Variants in CTNNA3 observed in about 807,000 individuals in gnomAD.
CTNNA3 encodes catenin alpha 3.
In CTNNA3, 76 loss-of-function variants were observed where a neutral mutation model predicts 95.7. The ratio of observed to expected loss-of-function variants is 0.79; its 90% CI spans 0.66 to 0.96. CTNNA3 has a LOEUF of 0.96. Ranked by LOEUF, CTNNA3 falls within the 40% of genes least tolerant of loss-of-function variation. The pLI is 0.00. For missense variants in CTNNA3, 1,191 were observed against 1,089.8 expected, an observed-to-expected ratio of 1.09 and a Z score of -1.31; for synonymous variants, 431 against 374.4, an observed-to-expected ratio of 1.15 and a Z score of -1.74.
At chr10:67,103,631 G>T (rs745841623) in intron 7 of CTNNA3, among the ~76,000 whole-genome samples, 6 of 151,656 alleles carry the variant, frequency 4.0e-5, no homozygotes, top group Non-Finnish European at 8.9e-5. Context: ...CAGTGGGGTT[G>T]AAGATTCAAA....
intron 15 of CTNNA3, among the ~76,000 whole-genome samples, chr10:66,042,555 C>T (rs932347046): frequency 1.3e-5 from 2 of 151,682 alleles, no homozygotes; most frequent in African/African-American, 4.8e-5. Flanking sequence ...TAAAGAGGGT[C>T]ATATCTAAAA....
At chr10:67,754,156 C>T (rs1841421502) in intron 1 of CTNNA3, among the ~76,000 whole-genome samples, 1 of 152,044 alleles carries the variant, frequency 6.6e-6, no homozygotes, top group Non-Finnish European at 1.5e-5. Context: ...AAGATCGTGA[C>T]CTTTGCAGGG....
intron 11 of CTNNA3, among the ~76,000 whole-genome samples, chr10:66,461,807 A>G (rs12413847): frequency 0.41 from 60,361 of 147,718 alleles, 13,438 homozygotes; most frequent in East Asian, 0.6. Flanking sequence ...ATCCTTGTAT[A>G]TCTCCAATTT....
chr10:67,547,026 C>A (rs1197986449), intron 3 of CTNNA3, among the ~76,000 whole-genome samples: 1 of 152,144 alleles, frequency 6.6e-6, no homozygotes, highest in Non-Finnish European at 1.5e-5. Context: ...ATCAACTATT[C>A]AGCACTAAAA....
intron 3 of CTNNA3, among the ~76,000 whole-genome samples, chr10:67,557,162 G>A (rs905277963): frequency 2.0e-5 from 3 of 152,050 alleles, no homozygotes; most frequent in African/African-American, 7.2e-5. Context: ...GGCTAACCTT[G>A]ACTATAAATT....
rs150383268 is a variant in CTNNA3, at chr10:66,907,748, A to C, written c.1048-132224T>G. On this transcript the variant is annotated intron_variant, in intron 7 of 17. Coordinates refer to ENST00000433211, the MANE Select transcript of CTNNA3 (RefSeq NM_013266.4). ...TATCTACCCCAACAGATATCAAAAC[A>C]TATGTGCCACTACCACTGGAAGATT... is the stretch of plus-strand genomic sequence containing the variant. Among the ~76,000 whole-genome samples the C allele has an allele frequency of 3.6e-3, 541 of 152,338 alleles. 2 individuals are homozygous for C. Among genetic ancestry groups the C allele is most frequent in the African/African-American group, 0.012 (513 of 41,582 alleles).
chr10:66,515,345 C>CTCTCTATATATG (rs558913767), intron 11 of CTNNA3, among the ~76,000 whole-genome samples: 1 of 148,894 alleles, frequency 6.7e-6, no homozygotes, highest in African/African-American at 2.5e-5. Flanking sequence ...CTCTCTCTCT[C>CTCTCTATATATG]TATATATATA....
chr10:66,520,483 C>T (rs1841021071), intron 11 of CTNNA3, 134 bp downstream of exon 11: 1 of 674,586 alleles, frequency 1.5e-6, no homozygotes, highest in African/African-American at 1.9e-5. Context: ...AATCCCTGAC[C>T]TCAAGTAATC....
At chr10:67,688,992 C>A (rs1245384832) in intron 1 of CTNNA3, among the ~76,000 whole-genome samples, 1 of 152,114 alleles carries the variant, frequency 6.6e-6, no homozygotes, top group African/African-American at 2.4e-5. Context: ...TCTCAAAAAC[C>A]TGCATTCTTG....
At chr10:66,800,280 T>C (rs766950008) in intron 7 of CTNNA3, among the ~76,000 whole-genome samples, 12 of 151,360 alleles carry the variant, frequency 7.9e-5, no homozygotes, top group African/African-American at 2.2e-4. Flanking sequence ...GTTCAATTAC[T>C]CAAAAGAACT....
chr10:67,196,227 T>G (rs2132191775), intron 6 of CTNNA3, among the ~76,000 whole-genome samples: 1 of 152,158 alleles, frequency 6.6e-6, no homozygotes, highest in South Asian at 2.1e-4. Context: ...GAATAGAAGC[T>G]TTAGATATAA....
At chr10:67,728,077 TATATTATATAATATGTA>T (rs1841252966) in intron 1 of CTNNA3, among the ~76,000 whole-genome samples, 1 of 140,904 alleles carries the variant, frequency 7.1e-6, no homozygotes, top group African/African-American at 2.7e-5. Flanking sequence ...TTACATATTA[TATATTATATAATATGTA>T]ATATACATAC....
chr10:66,742,931 T>C (rs1849376264), intron 9 of CTNNA3, among the ~76,000 whole-genome samples: 1 of 152,202 alleles, frequency 6.6e-6, no homozygotes, highest in South Asian at 2.1e-4. Flanking sequence ...TTTTACATCA[T>C]TTCCTCTGCC....
intron 10 of CTNNA3, among the ~76,000 whole-genome samples, chr10:66,524,815 T>G (rs1185612722): frequency 2.0e-5 from 3 of 152,036 alleles, no homozygotes; most frequent in Non-Finnish European, 2.9e-5. Flanking sequence ...TTTGGGAGGC[T>G]AAGGCAGGCG....
intron 7 of CTNNA3, among the ~76,000 whole-genome samples, chr10:66,967,591 A>G (rs1180002536): frequency 6.6e-6 from 1 of 152,020 alleles, no homozygotes; most frequent in Non-Finnish European, 1.5e-5. Flanking sequence ...CAACCATATG[A>G]GGCGGGACTA....
At chr10:67,548,896 A>C (rs1394885562) in intron 3 of CTNNA3, among the ~76,000 whole-genome samples, 3 of 152,092 alleles carry the variant, frequency 2.0e-5, no homozygotes, top group Admixed American at 6.6e-5. Context: ...TTAAAAAAAA[A>C]CTTACTACTT....
intron 7 of CTNNA3, among the ~76,000 whole-genome samples, chr10:67,111,031 T>TA (rs779000341): frequency 5.9e-5 from 9 of 152,146 alleles, no homozygotes; most frequent in Non-Finnish European, 1.3e-4. Flanking sequence ...GAAGAACAGT[T>TA]AGAGTTGCAG....
intron 14 of CTNNA3, among the ~76,000 whole-genome samples, chr10:66,090,391 A>AGTG (rs970662968): frequency 2.0e-5 from 3 of 151,964 alleles, no homozygotes; most frequent in African/African-American, 7.2e-5. Flanking sequence ...CAACCGTGAT[A>AGTG]GTGGTGGTGG....
chr10:67,138,810 T>C (rs546467042), intron 7 of CTNNA3, among the ~76,000 whole-genome samples: 36 of 152,326 alleles, frequency 2.4e-4, no homozygotes, highest in South Asian at 2.1e-4. Flanking sequence ...CCAGCATCCA[T>C]GCATTTTCCT....
Sources: allele counts gnomAD v4.1 joint callset (sites outside exome capture counted in the v4.1 genomes callset), GRCh38; gene constraint gnomAD v4.1.1; transcripts MANE v1.5; gene names NCBI Gene and HGNC (gene_info 2026-07-23, HGNC 2026-07-21).